Variants in COL23A1 observed in about 807,000 individuals in gnomAD.
COL23A1 encodes collagen alpha-1(XXIII) chain.
COL23A1 carries 97 observed loss-of-function variants against 99.3 expected under a neutral mutation model. That is an observed-to-expected ratio of 0.98 (90% CI 0.83 to 1.16). The LOEUF (loss-of-function observed/expected upper bound fraction) is 1.16, where lower values mean the gene tolerates loss of function less well. Ranked by LOEUF, COL23A1 falls within the 50% of genes most tolerant of loss-of-function variation. The pLI is 0.00. For missense variants in COL23A1, 762 were observed against 757.4 expected (o/e 1.01, Z -0.07); for synonymous variants, 320 against 308.2 (o/e 1.04, Z -0.40).
Position 178,360,334 on chromosome 5 carries a change from T to C in COL23A1, c.362-53415A>G, listed in dbSNP as rs558854921. On this transcript the variant is annotated intron_variant, in intron 2 of 28. Transcript: ENST00000390654. ...TTTTTTTCAAGGAAAGTACGTTTCT[T>C]TATTAGATTGCAAAATCTTTTCCCA... Among the ~76,000 whole-genome samples the C allele has an allele frequency of 2.6e-5, 4 of 152,304 alleles. No individual in the cohort carries two copies. In the South Asian group the frequency reaches 8.3e-4, roughly 32 times the overall value.
chr5:178,343,159 G>A (rs926605945), intron 2 of COL23A1, among the ~76,000 whole-genome samples: 24 of 152,160 alleles, frequency 1.6e-4, no homozygotes, highest in African/African-American at 5.3e-4. Flanking sequence ...AAAGACCCAC[G>A]TGGGAAACAC....
rs892117838 is a variant in COL23A1 at position 178,259,003 on chromosome 5, G to A, written c.729+718C>T. ...GCAATCTCAGCTCACTGCAACCTTC[G>A]CTTCCTGGGTTCAAGTGATTCTCCA... On this transcript the variant is annotated intron_variant, in intron 12 of 28. Transcript: ENST00000390654. Among the ~76,000 whole-genome samples the A allele has an allele frequency of 1.4e-4, 20 of 148,144 alleles. No individual in the cohort carries two copies. The Admixed American group carries it at 1.4e-3, about 10-fold the overall frequency.
At chr5:178,358,481 ATATATGTGTGTGTATGCGTG>A (rs1237607034) in intron 2 of COL23A1, among the ~76,000 whole-genome samples, 41 of 134,372 alleles carry the variant, frequency 3.1e-4, no homozygotes, top group African/African-American at 1.1e-3. Context: ...GCGTATGCGT[ATATATGTGTGTGTATGCGTG>A]TATATGTGTG....
intron 7 of COL23A1, 35 bp from the exon 8 acceptor site, chr5:178,267,368 G>A (rs573564076): frequency 4.3e-6 from 7 of 1,609,224 alleles, no homozygotes; most frequent in African/African-American, 1.3e-5. Context: ...CATCACCACT[G>A]CTTTCATCGT....
chr5:178,372,762 G>T (rs1762865107), intron 2 of COL23A1, among the ~76,000 whole-genome samples: 1 of 152,008 alleles, frequency 6.6e-6, no homozygotes, highest in Non-Finnish European at 1.5e-5. Context: ...TTTTAGTAGA[G>T]ACAGGGTTTC....
Position 178,354,568 on chromosome 5 carries a change from G to A in COL23A1, c.362-47649C>T, listed in dbSNP as rs139981410. ...GTGCTGTTCTCATGACAGTGACTGA[G>A]TTCTCGTGCGATCTGGCTGTTTAAA... On this transcript the variant is annotated intron_variant, in intron 2 of 28. Transcript: ENST00000390654. 1.4e-3 allele frequency among the ~76,000 whole-genome samples: 219 copies of A among 152,226 alleles called. 8 individuals are homozygous for A. In the South Asian group the frequency reaches 0.039, roughly 27 times the overall value.
intron 3 of COL23A1, among the ~76,000 whole-genome samples, chr5:178,300,956 C>T (rs1758001173): frequency 6.6e-6 from 1 of 152,098 alleles, no homozygotes. Context: ...TGTTGAGCTT[C>T]TTAGATGTGT....
chr5:178,549,139 G>A (rs527401192), intron 2 of COL23A1, among the ~76,000 whole-genome samples: 12 of 152,064 alleles, frequency 7.9e-5, no homozygotes, highest in Non-Finnish European at 1.2e-4. Flanking sequence ...GATAACAGGC[G>A]CATGCCACCA....
intron 11 of COL23A1, among the ~76,000 whole-genome samples, chr5:178,260,492 C>T (rs1284065153): frequency 6.6e-6 from 1 of 152,148 alleles, no homozygotes; most frequent in Non-Finnish European, 1.5e-5. Context: ...ACTATGGAGA[C>T]AGTGAAAAGA....
chr5:178,389,932 C>T (rs900139956), intron 2 of COL23A1, among the ~76,000 whole-genome samples: 3 of 152,218 alleles, frequency 2.0e-5, no homozygotes, highest in Non-Finnish European at 4.4e-5. Context: ...GGTAAGCTCC[C>T]CCTTGCCACT....
intron 22 of COL23A1, among the ~76,000 whole-genome samples, chr5:178,246,731 G>T (rs1377763368): frequency 2.0e-4 from 2 of 10,242 alleles, no homozygotes; most frequent in East Asian, 1.4e-3. Context: ...CGGGGGGCGG[G>T]GGGGGGGGGA....
At chr5:178,336,721 G>A (rs566733771) in intron 2 of COL23A1, among the ~76,000 whole-genome samples, 1 of 152,286 alleles carries the variant, frequency 6.6e-6, no homozygotes, top group Admixed American at 6.5e-5. Flanking sequence ...AATTTTATGT[G>A]ATGTGAATTT....
chr5:178,465,622 C>T (rs931874922), intron 2 of COL23A1, among the ~76,000 whole-genome samples: 6 of 152,208 alleles, frequency 3.9e-5, no homozygotes, highest in African/African-American at 1.4e-4. Context: ...CTGGCCTCAG[C>T]GTGCTTTCTG....
In COL23A1 at chr5:178,358,248, G is replaced by GTGTGTGTATGTATA. The variant is rs1554145310; in HGVS notation, c.362-51343_362-51330dup. Among the ~76,000 whole-genome samples, 513 of 125,710 alleles carry GTGTGTGTATGTATA rather than the reference G, an allele frequency of 4.1e-3. 6 individuals carry two copies. Among genetic ancestry groups the GTGTGTGTATGTATA allele is most frequent in the African/African-American group, 0.014 (481 of 34,934 alleles). 82.5% of individuals were successfully genotyped at this position (125,710 alleles called of 152,430 possible). A position where few individuals can be genotyped will look rare whatever the true frequency, so the allele number is the denominator to read the frequency against. On this transcript the variant is annotated intron_variant, in intron 2 of 28. Transcript: ENST00000390654. The stretch of plus-strand genomic sequence containing the variant: ...AATGTGTGTATGTGTGTATGTGTAT[G>GTGTGTGTATGTATA]TGTGTGTATGTATATGTGTGTATAT...
chr5:178,293,981 G>A (rs75780210), intron 3 of COL23A1, among the ~76,000 whole-genome samples: 4,314 of 152,104 alleles, frequency 0.028, 200 homozygotes, highest in African/African-American at 0.098. Flanking sequence ...AATTCACCCA[G>A]AAGTACTGTG....
At position 178,313,342 on chromosome 5, in the gene COL23A1, G is replaced by A. The variant is rs1758806145; in HGVS notation, c.362-6423C>T. ...GTGTACACTTAAGGATGGTTAAGACGGGAAATGTTATGGTATGTGTATTTT... is the reference window on the plus strand; with the variant it reads ...GTGTACACTTAAGGATGGTTAAGACAGGAAATGTTATGGTATGTGTATTTT... On this transcript the variant is annotated intron_variant, in intron 2 of 28. Transcript: ENST00000390654. The surrounding 1 kb of genome is among the most constrained non-coding windows in gnomAD (Gnocchi z 4.2). 1.3e-5 allele frequency among the ~76,000 whole-genome samples: 2 copies of A among 152,182 alleles called. No individual in the cohort carries two copies. Among genetic ancestry groups the A allele is most frequent in the Admixed American group, 1.3e-4 (2 of 15,282 alleles).
chr5:178,323,992 TAAAGAAAAAG>T (rs1759494893), intron 2 of COL23A1, among the ~76,000 whole-genome samples: 1 of 152,164 alleles, frequency 6.6e-6, no homozygotes, highest in South Asian at 2.1e-4. Flanking sequence ...TTTTCTTTTT[TAAAGAAAAAG>T]AAATGTGACG....
chr5:178,307,441 G>A lies in COL23A1; in HGVS notation c.362-522C>T, dbSNP rs897580439. On this transcript the variant is annotated intron_variant, in intron 2 of 28. Coordinates refer to ENST00000390654, the MANE Select transcript of COL23A1 (RefSeq NM_173465.4). This position sits in a 1 kb window ranked among gnomAD's most constrained non-coding sequence, Gnocchi z 4.2. ...ACTACACGATCCGCCTGCAGTCTCC[G>A]CCACTCGCTGGGGCCTCCAGCTCCT... is the stretch of plus-strand genomic sequence containing the variant. Among the ~76,000 whole-genome samples, 2 of 152,350 alleles carry A rather than the reference G, an allele frequency of 1.3e-5. No individual in the cohort carries two copies. The highest frequency in any genetic ancestry group is 2.4e-5 in the African/African-American group (1 of 41,574).
At chr5:178,329,373 C>T (rs1442660327) in intron 2 of COL23A1, among the ~76,000 whole-genome samples, 1 of 152,106 alleles carries the variant, frequency 6.6e-6, no homozygotes, top group African/African-American at 2.4e-5. Flanking sequence ...GAGAGTGGGG[C>T]CTCAAGTCTG....
Sources: gnomAD v4.1 joint callset for allele counts (sites outside exome capture counted in the v4.1 genomes callset) on GRCh38, gnomAD v4.1.1 for gene constraint, Gnocchi (gnomAD v3.1) non-coding constraint, MANE v1.5 for transcripts, NCBI Gene and HGNC (gene_info 2026-07-23, HGNC 2026-07-21) for gene names.